TSC22D1: variants seen among roughly 807,000 people sequenced by gnomAD.
The protein encoded by TSC22D1 is TSC22 domain family member 1.
A neutral mutation model predicts 74.2 loss-of-function variants in TSC22D1; 9 were observed. The ratio of observed to expected loss-of-function variants is 0.12; its 90% CI spans 0.07 to 0.21. TSC22D1 has a LOEUF of 0.21. Ranked by LOEUF, TSC22D1 falls within the 10% of genes least tolerant of loss-of-function variation. The probability of loss-of-function intolerance (pLI) is 1.00; values close to 1 mark genes in which losing one functional copy is unlikely to be tolerated. For missense variants in TSC22D1, 1,427 were observed against 1,304.7 expected, an observed-to-expected ratio of 1.09 and a Z score of -1.44; for synonymous variants, 586 against 492.5, an observed-to-expected ratio of 1.19 and a Z score of -2.51.
rs953958680 is a variant in TSC22D1, at chr13:44,574,788, G to A, written c.1287C>T (p.Phe429=). The change falls in exon 1 of 3, where the codon TTC becomes TTT. Residue 429 remains phenylalanine (F), a synonymous_variant. Transcript: ENST00000458659. ...FKKGRWTCTE[F]YEKENAVPAT... Reference sequence around the variant, plus strand: ...CAGGTACAGCATTTTCTTTTTCATAGAACTCAGTGCAAGTCCATCTACCTT... The same window carrying A: ...CAGGTACAGCATTTTCTTTTTCATAAAACTCAGTGCAAGTCCATCTACCTT... The A allele has an allele frequency of 5.6e-6, 9 of 1,614,004 alleles. No individual in the cohort carries two copies. Among genetic ancestry groups the A allele is most frequent in the Non-Finnish European group, 7.6e-6 (9 of 1,180,012 alleles).
At chr13:44,572,127 CTT>C (rs1457275134) in intron 1 of TSC22D1, among the ~76,000 whole-genome samples, 1 of 152,110 alleles carries the variant, frequency 6.6e-6, no homozygotes, top group Non-Finnish European at 1.5e-5. Flanking sequence ...AAAATGATGT[CTT>C]TTCATAACTC....
At chr13:44,525,200 A>G (rs933917112) in intron 1 of TSC22D1, among the ~76,000 whole-genome samples, 1 of 152,192 alleles carries the variant, frequency 6.6e-6, no homozygotes, top group Admixed American at 6.5e-5. Context: ...TCACAGGACT[A>G]CATACAGACT....
At chr13:44,510,061 C>T (rs999661000) in intron 1 of TSC22D1, among the ~76,000 whole-genome samples, 5 of 148,918 alleles carry the variant, frequency 3.4e-5, no homozygotes, top group African/African-American at 9.9e-5. Context: ...GGAAAAGGAA[C>T]TTGTCAGCAT....
Position 44,434,142 on chromosome 13 carries a change from T to C in TSC22D1, c.*484A>G. The C allele has an allele frequency of 2.0e-6, 3 of 1,495,364 alleles. No individual in the cohort carries two copies. The highest frequency in any genetic ancestry group is 2.6e-6 in the Non-Finnish European group (3 of 1,135,946). The allele number at this position is 1,495,364 out of a possible 1,614,324, so 92.6% of individuals were successfully genotyped here. On this transcript the variant is annotated 3_prime_UTR_variant, in exon 3 of 3. Coordinates refer to ENST00000458659, the MANE Select transcript of TSC22D1 (RefSeq NM_183422.4). ...GGTGACAGTTGTCAAATTTGTACAG[T>C]GAACTCTGTTCCCCCTCATTTTAGT...
At chr13:44,446,823 GGAA>G (rs1333563428) in intron 1 of TSC22D1, among the ~76,000 whole-genome samples, 42 of 108,680 alleles carry the variant, frequency 3.9e-4, no homozygotes, top group Middle Eastern at 4.3e-3. Context: ...AAGAGGAGGA[GGAA>G]GAAGAGGAGG....
chr13:44,573,958 G>C lies in TSC22D1; in HGVS notation c.2117C>G (p.Ala706Gly), dbSNP rs1439160053. ...VQPTAVPAQP[A>G]GASVQPVGQA... ...GCCAACAGGCTGGACAGATGCCCCT[G>C]CAGGTTGTGCTGGGACTGCTGTGGG... The change falls in exon 1 of 3, where the codon GCA (alanine) becomes GGA (glycine). Residue 706 changes from alanine to glycine, a missense_variant. This residue lies in a region of TSC22D1 where 1,343 missense variants were observed against 1,191.5 expected (regional missense o/e 1.13). Coordinates refer to ENST00000458659, the MANE Select transcript of TSC22D1 (RefSeq NM_183422.4). 2.5e-6 allele frequency: 4 copies of C among 1,613,984 alleles called. No homozygotes were observed. The African/African-American group carries it at 4.0e-5, about 16-fold the overall frequency.
intron 1 of TSC22D1, among the ~76,000 whole-genome samples, chr13:44,554,272 G>GC (rs1380114628): frequency 2.0e-5 from 3 of 152,170 alleles, no homozygotes; most frequent in Non-Finnish European, 4.4e-5. Context: ...TGAAGAGGTA[G>GC]CAGAAATAAG....
At chr13:44,558,968 C>T (rs1317264444) in intron 1 of TSC22D1, among the ~76,000 whole-genome samples, 3 of 152,084 alleles carry the variant, frequency 2.0e-5, no homozygotes, top group African/African-American at 7.2e-5. Context: ...TAAAACATAA[C>T]CAATTGTACA....
At chr13:44,498,893 G>A (rs1386192981) in intron 1 of TSC22D1, among the ~76,000 whole-genome samples, 2 of 152,002 alleles carry the variant, frequency 1.3e-5, no homozygotes, top group Non-Finnish European at 2.9e-5. Context: ...TTTGATACAC[G>A]AAAGAATACT....
At chr13:44,441,509 A>G (rs1477262780) in intron 1 of TSC22D1, among the ~76,000 whole-genome samples, 2 of 152,228 alleles carry the variant, frequency 1.3e-5, no homozygotes, top group African/African-American at 2.4e-5. Context: ...GAAAAATTGC[A>G]TGGCAGGAAT....
intron 1 of TSC22D1, among the ~76,000 whole-genome samples, chr13:44,506,477 T>G (rs907783769): frequency 6.6e-6 from 1 of 152,052 alleles, no homozygotes; most frequent in Non-Finnish European, 1.5e-5. Context: ...CACTGGGACC[T>G]GTTGAGGGGG....
At chr13:44,576,381 G>A, upstream of TSC22D1, 1 of 315,924 alleles carries the variant, frequency 3.2e-6, no homozygotes, top group South Asian at 9.3e-5. Flanking sequence ...TGGGGTGCGG[G>A]GCAGGAGGGA....
chr13:44,520,084 G>A (rs1215094115), intron 1 of TSC22D1, among the ~76,000 whole-genome samples: 1 of 152,204 alleles, frequency 6.6e-6, no homozygotes, highest in African/African-American at 2.4e-5. Flanking sequence ...GTAGATCTAT[G>A]AAGTTGATCA....
intron 1 of TSC22D1, among the ~76,000 whole-genome samples, chr13:44,490,687 C>T (rs1033426659): frequency 2.6e-5 from 4 of 151,748 alleles, no homozygotes; most frequent in Admixed American, 6.6e-5. Context: ...CATCTGAGGT[C>T]GGGAGTTCGA....
intron 1 of TSC22D1, among the ~76,000 whole-genome samples, chr13:44,443,440 A>G (rs1875368576): frequency 6.6e-6 from 1 of 152,202 alleles, no homozygotes; most frequent in South Asian, 2.1e-4. Flanking sequence ...CTTCAGACAG[A>G]AGGAAAATGA....
chr13:44,538,569 G>C (rs1274946389), intron 1 of TSC22D1: 10 of 985,234 alleles, frequency 1.0e-5, no homozygotes, highest in Middle Eastern at 5.2e-4. Flanking sequence ...AGTCTCTCAA[G>C]CTTCCTCTAT....
intron 1 of TSC22D1, among the ~76,000 whole-genome samples, chr13:44,531,216 G>A (rs961970224): frequency 6.6e-6 from 1 of 152,012 alleles, no homozygotes; most frequent in African/African-American, 2.4e-5. Context: ...GGGAGGAGGA[G>A]GTAAATGGGA....
rs963178526 is a variant in TSC22D1 at position 44,434,198 on chromosome 13, G to C, written c.*428C>G. Reference sequence around the variant, plus strand: ...TACCCTCCTTTCAAGTTCCTCCTGGGGGGAGGAGAGGAGAGAGGCGAGTCC... The same window carrying C: ...TACCCTCCTTTCAAGTTCCTCCTGGCGGGAGGAGAGGAGAGAGGCGAGTCC... On this transcript the variant is annotated 3_prime_UTR_variant, in exon 3 of 3. Transcript: ENST00000458659. The C allele has an allele frequency of 2.1e-6, 3 of 1,454,948 alleles. No homozygotes were observed. Among genetic ancestry groups the C allele is most frequent in the Admixed American group, 3.1e-5 (1 of 31,992 alleles). 90.1% of individuals were successfully genotyped at this position (1,454,948 alleles called of 1,614,324 possible).
chr13:44,568,326 T>C (rs931243158), intron 1 of TSC22D1, among the ~76,000 whole-genome samples: 1 of 152,034 alleles, frequency 6.6e-6, no homozygotes, highest in African/African-American at 2.4e-5. Flanking sequence ...AAAGATAAAA[T>C]TGTTAACAAT....
Sources: gnomAD v4.1 joint callset for allele counts (sites outside exome capture counted in the v4.1 genomes callset) on GRCh38, gnomAD v4.1.1 for gene constraint, gnomAD v4.1.1 regional missense constraint, MANE v1.5 for transcripts, NCBI Gene and HGNC (gene_info 2026-07-23, HGNC 2026-07-21) for gene names.